The following ASAP1 variants were observed in gnomAD, a reference collection of about 807,000 sequenced individuals.
The protein encoded by ASAP1 is ArfGAP with SH3 domain, ankyrin repeat and PH domain 1, also known as arf-GAP with SH3 domain, ANK repeat and PH domain-containing protein 1.
Under a neutral mutation model 145.2 loss-of-function variants are expected in ASAP1, and 43 were observed. The ratio of observed to expected loss-of-function variants is 0.30; its 90% CI spans 0.23 to 0.38. The LOEUF is 0.38. Ranked by LOEUF, ASAP1 falls within the 10% of genes least tolerant of loss-of-function variation. ASAP1 has a pLI of 1.00. For synonymous variants in ASAP1, 546 were observed against 515.5 expected (o/e 1.06, Z -0.80); for missense variants, 1,018 against 1,355.3 (o/e 0.75, Z 3.91).
At chr8:130,133,587 C>T (rs892002311) in intron 15 of ASAP1, among the ~76,000 whole-genome samples, 3 of 151,660 alleles carry the variant, frequency 2.0e-5, no homozygotes, top group Admixed American at 6.6e-5. Context: ...ACCCGGGAAG[C>T]GGAGCTTGCA....
chr8:130,192,398 AG>A (rs891989352), intron 5 of ASAP1, among the ~76,000 whole-genome samples: 5 of 152,140 alleles, frequency 3.3e-5, no homozygotes, highest in African/African-American at 1.2e-4. Context: ...GATCATAATG[AG>A]GAAAAAAAAG....
chr8:130,302,976 A>T (rs1470588543), intron 3 of ASAP1, among the ~76,000 whole-genome samples: 1 of 152,164 alleles, frequency 6.6e-6, no homozygotes, highest in East Asian at 1.9e-4. Flanking sequence ...AACAATTACA[A>T]GAAATTTAAG....
At chr8:130,085,428 A>T (rs1186033280) in intron 25 of ASAP1, among the ~76,000 whole-genome samples, 5 of 152,116 alleles carry the variant, frequency 3.3e-5, no homozygotes, top group African/African-American at 1.2e-4. Context: ...GTCTGTTATA[A>T]AGTAGGTTAT....
intron 27 of ASAP1, among the ~76,000 whole-genome samples, chr8:130,072,822 T>TGTGTGTGTGTGTGTGTGTGCGTGTGC (rs1554816353): frequency 1.5e-4 from 4 of 26,056 alleles, no homozygotes; most frequent in Admixed American, 6.2e-4. Flanking sequence ...TGTGTGTGTG[T>TGTGTGTGTGTGTGTGTGTGCGTGTGC]GTGCGCGCGG....
chr8:130,203,429 A>G (rs1312984269), intron 5 of ASAP1, among the ~76,000 whole-genome samples: 1 of 152,186 alleles, frequency 6.6e-6, no homozygotes, highest in Non-Finnish European at 1.5e-5. Flanking sequence ...GGCTAACATC[A>G]GCCCTGAAAA....
intron 11 of ASAP1, among the ~76,000 whole-genome samples, chr8:130,163,923 G>T (rs2097674822): frequency 6.6e-6 from 1 of 152,096 alleles, no homozygotes. Context: ...ATTATTAAGA[G>T]GTAGAGTCTC....
intron 2 of ASAP1, among the ~76,000 whole-genome samples, chr8:130,399,874 C>T (rs1223948337): frequency 3.0e-5 from 4 of 132,428 alleles, no homozygotes; most frequent in Admixed American, 2.5e-4. Context: ...TGGAGTAGTA[C>T]AATGGCGCAA....
At chr8:130,368,638 G>A (rs1434956759) in intron 2 of ASAP1, among the ~76,000 whole-genome samples, 1 of 152,226 alleles carries the variant, frequency 6.6e-6, no homozygotes, top group Non-Finnish European at 1.5e-5. Flanking sequence ...ATGGAGGACT[G>A]ATATAGATGC....
intron 5 of ASAP1, among the ~76,000 whole-genome samples, chr8:130,188,977 T>C (rs1814947900): frequency 6.6e-6 from 1 of 152,190 alleles, no homozygotes; most frequent in South Asian, 2.1e-4. Context: ...GCATGTATCA[T>C]TATCTGAAAT....
intron 1 of ASAP1, among the ~76,000 whole-genome samples, chr8:130,430,852 A>C (rs1351208623): frequency 6.6e-6 from 1 of 152,200 alleles, no homozygotes; most frequent in Non-Finnish European, 1.5e-5. Flanking sequence ...CCTAGAAAGC[A>C]AGGACTTCGG....
rs1354296540 is a variant in ASAP1, at chr8:130,358,827, G to T, written c.60-684C>A. 1.3e-5 allele frequency among the ~76,000 whole-genome samples: 2 copies of T among 151,102 alleles called. No homozygotes were observed. Among genetic ancestry groups the T allele is most frequent in the Non-Finnish European group, 3.0e-5 (2 of 67,692 alleles). On this transcript the variant is annotated intron_variant, in intron 2 of 29. Coordinates refer to ENST00000518721, the MANE Select transcript of ASAP1 (RefSeq NM_018482.4). The surrounding 1 kb of genome is among the most constrained non-coding windows in gnomAD (Gnocchi z 4.1). ...GCTCCCGACCCCGGCTGCGCGGCACGGGGGCTCCGGAAGCCCGAGTCCCTG... is the reference window on the plus strand; with the variant it reads ...GCTCCCGACCCCGGCTGCGCGGCACTGGGGCTCCGGAAGCCCGAGTCCCTG...
intron 3 of ASAP1, among the ~76,000 whole-genome samples, chr8:130,292,271 CTCTT>C (rs1586767616): frequency 1.3e-5 from 2 of 152,320 alleles, no homozygotes; most frequent in East Asian, 3.9e-4. Context: ...GTGAAGAAGA[CTCTT>C]TCTAGATCCT....
At position 130,234,385 on chromosome 8, in the gene ASAP1, T is replaced by C. The variant is rs1818089366; in HGVS notation, c.259+2537A>G. Among the ~76,000 whole-genome samples the C allele has an allele frequency of 5.3e-5, 8 of 152,118 alleles. 1 individual carries two copies. The highest frequency in any genetic ancestry group is 3.4e-3 in the Middle Eastern group (1 of 294). On this transcript the variant is annotated intron_variant, in intron 4 of 29. Transcript: ENST00000518721. ...GGAGGAGGGCACACAGAACCCCTAATCCAGACTGGAGAGATTCAATGTTCA... is the reference window on the plus strand; with the variant it reads ...GGAGGAGGGCACACAGAACCCCTAACCCAGACTGGAGAGATTCAATGTTCA...
In ASAP1 at chr8:130,116,904, T is replaced by A; in HGVS notation, c.1972A>T (p.Arg658Trp). 1 of 1,614,014 alleles carries A rather than the reference T, an allele frequency of 6.2e-7. No homozygotes were observed. The highest frequency in any genetic ancestry group is 8.5e-7 in the Non-Finnish European group (1 of 1,179,918). The change falls in exon 21 of 30, where the codon AGG (arginine) becomes TGG (tryptophan). Residue 658 changes from arginine (R) to tryptophan (W), a missense_variant. By Grantham distance (101) the Arg-to-Trp change is moderately radical (BLOSUM62 -3). This residue lies in a region of ASAP1 where 353 missense variants were observed against 375.4 expected (regional missense o/e 0.94). Coordinates refer to ENST00000518721, the MANE Select transcript of ASAP1 (RefSeq NM_018482.4). Reference sequence around the variant, plus strand: ...CCTATATCCACAGTGGGCTTGCTCCTGAGCAAAAGCTTCAAACACTCAGGT... The same window carrying A: ...CCTATATCCACAGTGGGCTTGCTCCAGAGCAAAAGCTTCAAACACTCAGGT... ...SKPECLKLLL[R>W]SKPTVDIVNQ...
intron 3 of ASAP1, among the ~76,000 whole-genome samples, chr8:130,344,783 T>C (rs1825604482): frequency 6.6e-6 from 1 of 151,860 alleles, no homozygotes; most frequent in African/African-American, 2.4e-5. Flanking sequence ...AAAGAAAAAC[T>C]GCCCAAAGTA....
chr8:130,264,839 G>A (rs1055839598), intron 3 of ASAP1, among the ~76,000 whole-genome samples: 8 of 152,256 alleles, frequency 5.3e-5, no homozygotes, highest in Admixed American at 4.6e-4. Context: ...GGTTCCAGAA[G>A]CCCTACTTGG....
chr8:130,316,940 A>G (rs887224424), intron 3 of ASAP1, among the ~76,000 whole-genome samples: 1 of 152,228 alleles, frequency 6.6e-6, no homozygotes, highest in Non-Finnish European at 1.5e-5. Flanking sequence ...CAACTCATTA[A>G]GAAGAGTCTA....
chr8:130,196,970 C>T (rs1233841719), intron 5 of ASAP1, among the ~76,000 whole-genome samples: 1 of 152,242 alleles, frequency 6.6e-6, no homozygotes, highest in Non-Finnish European at 1.5e-5. Flanking sequence ...GATGCCTCGT[C>T]ATTAGGCTGC....
intron 3 of ASAP1, among the ~76,000 whole-genome samples, chr8:130,319,968 T>G (rs1220519213): frequency 3.3e-5 from 5 of 152,240 alleles, no homozygotes; most frequent in African/African-American, 1.2e-4. Flanking sequence ...ACTATTACTA[T>G]ATAATGCATA....
Sources: allele counts gnomAD v4.1 joint callset (sites outside exome capture counted in the v4.1 genomes callset), GRCh38; gene constraint gnomAD v4.1.1; regional missense constraint gnomAD v4.1.1; non-coding constraint Gnocchi (gnomAD v3.1); transcripts MANE v1.5; gene names NCBI Gene and HGNC (gene_info 2026-07-23, HGNC 2026-07-21).